Variants in KCTD1 observed in about 807,000 individuals in gnomAD.
The protein encoded by KCTD1 is BTB/POZ domain-containing protein KCTD1.
Under a neutral mutation model 66.0 loss-of-function variants are expected in KCTD1, and 24 were observed. That is an observed-to-expected ratio of 0.36 (90% CI 0.26 to 0.51). The LOEUF (loss-of-function observed/expected upper bound fraction) is 0.51, where lower values mean the gene tolerates loss of function less well. KCTD1 is among the 20% of genes least tolerant of loss of function. The pLI, the probability that KCTD1 is intolerant of heterozygous loss-of-function variation, is 0.95. For missense variants in KCTD1, 943 were observed against 1,205.2 expected, an observed-to-expected ratio of 0.78 and a Z score of 3.22; for synonymous variants, 511 against 517.2, an observed-to-expected ratio of 0.99 and a Z score of 0.16.
intron 1 of KCTD1, among the ~76,000 whole-genome samples, chr18:26,652,157 T>C (rs1988049325): frequency 6.6e-6 from 1 of 152,078 alleles, no homozygotes; most frequent in Non-Finnish European, 1.5e-5. Context: ...CCCTTTGGGG[T>C]TGATTGATAC....
At chr18:26,614,440 A>T (rs904036021) in intron 1 of KCTD1, among the ~76,000 whole-genome samples, 2 of 152,208 alleles carry the variant, frequency 1.3e-5, no homozygotes, top group African/African-American at 4.8e-5. Context: ...CAACGGAAAA[A>T]GGGGTGGGGA....
intron 1 of KCTD1, among the ~76,000 whole-genome samples, chr18:26,502,045 T>C (rs1235556537): frequency 6.6e-6 from 1 of 152,118 alleles, no homozygotes; most frequent in African/African-American, 2.4e-5. Context: ...GTTTAAGAAA[T>C]TGTACCTTTT....
chr18:26,655,925 C>A (rs1988124813), intron 1 of KCTD1: 1 of 152,318 alleles, frequency 6.6e-6, no homozygotes, highest in African/African-American at 2.4e-5. Flanking sequence ...CATTACGCGC[C>A]CCCCACCCCG....
At chr18:26,495,529 G>A (rs1281173138) in intron 2 of KCTD1, among the ~76,000 whole-genome samples, 2 of 152,138 alleles carry the variant, frequency 1.3e-5, no homozygotes, top group Non-Finnish European at 1.5e-5. Flanking sequence ...GGTGTTGACT[G>A]CAAGGCTGAA....
intron 1 of KCTD1, among the ~76,000 whole-genome samples, chr18:26,656,186 C>T (rs1988132934): frequency 1.3e-5 from 2 of 152,146 alleles, no homozygotes; most frequent in South Asian, 2.1e-4. Flanking sequence ...TTAAGGGAAC[C>T]TAGGCCGCCA....
intron 1 of KCTD1, chr18:26,599,780 A>G: frequency 6.3e-7 from 1 of 1,577,218 alleles, no homozygotes; most frequent in East Asian, 2.2e-5. Flanking sequence ...GGTCTTGTGG[A>G]AGTGAAAGAG....
At chr18:26,622,392 T>C (rs1033412892) in intron 1 of KCTD1, among the ~76,000 whole-genome samples, 1 of 152,138 alleles carries the variant, frequency 6.6e-6, no homozygotes, top group African/African-American at 2.4e-5. Context: ...CAGACTCAAC[T>C]TGCTCCACAT....
At chr18:26,632,579 A>C (rs949768029), upstream of KCTD1, among the ~76,000 whole-genome samples, 1 of 152,178 alleles carries the variant, frequency 6.6e-6, no homozygotes, top group African/African-American at 2.4e-5. Context: ...AGAGATACTG[A>C]GTTTTTAAAA....
chr18:26,601,578 T>A (rs1043247913), intron 1 of KCTD1, among the ~76,000 whole-genome samples: 41 of 152,298 alleles, frequency 2.7e-4, no homozygotes, highest in African/African-American at 9.6e-4. Flanking sequence ...TGATGGAGAC[T>A]GCATTGAATC....
intron 2 of KCTD1, among the ~76,000 whole-genome samples, chr18:26,500,555 A>T (rs1982707551): frequency 6.6e-6 from 1 of 152,186 alleles, no homozygotes; most frequent in Non-Finnish European, 1.5e-5. Context: ...TATCTACCTT[A>T]AGTTCGTAAG....
chr18:26,635,800 C>T (rs1362695042), intron 1 of KCTD1, among the ~76,000 whole-genome samples: 1 of 152,098 alleles, frequency 6.6e-6, no homozygotes, highest in East Asian at 1.9e-4. Context: ...TGTGAAATGC[C>T]CCCAAATAGT....
At chr18:26,513,914 C>T (rs1567975546) in intron 1 of KCTD1, among the ~76,000 whole-genome samples, 1 of 152,176 alleles carries the variant, frequency 6.6e-6, no homozygotes, top group Non-Finnish European at 1.5e-5. Context: ...ACACCATTTG[C>T]TCTAGCTGAT....
intron 1 of KCTD1, among the ~76,000 whole-genome samples, chr18:26,562,454 T>C (rs1985883803): frequency 1.4e-5 from 2 of 144,052 alleles, no homozygotes; most frequent in East Asian, 4.5e-4. Context: ...GGGCGGGGGG[T>C]TCTCCCTATG....
At chr18:26,465,767 T>C (rs1304400123) in intron 3 of KCTD1, among the ~76,000 whole-genome samples, 1 of 152,086 alleles carries the variant, frequency 6.6e-6, no homozygotes, top group Non-Finnish European at 1.5e-5. Flanking sequence ...AGGCCTGATG[T>C]CTAGGGCGTG....
At chr18:26,600,032 T>G in intron 1 of KCTD1, 2 of 1,611,524 alleles carry the variant, frequency 1.2e-6, no homozygotes, top group Non-Finnish European at 1.7e-6. Context: ...GACGACAGCA[T>G]GGATCTCATT....
chr18:26,596,099 T>C (rs1208886509), intron 1 of KCTD1, among the ~76,000 whole-genome samples: 2 of 152,274 alleles, frequency 1.3e-5, no homozygotes, highest in Middle Eastern at 3.4e-3. Context: ...CTAATTGTAA[T>C]GGACTGAATG....
chr18:26,507,874 G>A (rs75355633), intron 1 of KCTD1, among the ~76,000 whole-genome samples: 17,312 of 152,160 alleles, frequency 0.11, 1,171 homozygotes, highest in Non-Finnish European at 0.14. Flanking sequence ...GTGACTGGAA[G>A]AGGGAGTGAC....
intron 2 of KCTD1, among the ~76,000 whole-genome samples, chr18:26,498,751 G>A (rs886765057): frequency 2.0e-5 from 3 of 152,094 alleles, no homozygotes; most frequent in East Asian, 1.9e-4. Context: ...GGAATTTGAT[G>A]CATGTTTCAG....
intron 1 of KCTD1, 124 bp from the exon 2 acceptor site, chr18:26,501,374 C>A: frequency 1.2e-6 from 1 of 828,784 alleles, no homozygotes; most frequent in Non-Finnish European, 1.8e-6. Flanking sequence ...CCTGAAAAAC[C>A]GGCAAGCTCT....
Sources: gnomAD v4.1 joint callset for allele counts (sites outside exome capture counted in the v4.1 genomes callset) on GRCh38, gnomAD v4.1.1 for gene constraint, MANE v1.5 for transcripts, NCBI Gene and HGNC (gene_info 2026-07-23, HGNC 2026-07-21) for gene names.